TLN2: variants seen among roughly 807,000 people sequenced by gnomAD.
TLN2 encodes the protein talin 2.
TLN2 carries 118 observed loss-of-function variants against 294.7 expected under a neutral mutation model. That is an observed-to-expected ratio of 0.40 (90% CI 0.34 to 0.47). The LOEUF is 0.47. TLN2 is among the 20% of genes least tolerant of loss of function. The pLI, the probability that TLN2 is intolerant of heterozygous loss-of-function variation, is 0.84. For missense variants in TLN2, 3,083 were observed against 3,282.2 expected, an observed-to-expected ratio of 0.94 and a Z score of 1.48; for synonymous variants, 1,431 against 1,304.5, an observed-to-expected ratio of 1.10 and a Z score of -2.09.
Position 62,697,805 on chromosome 15 carries a change from C to T in TLN2, c.1410C>T (p.Ser470=), listed in dbSNP as rs771738603. The change falls in exon 15 of 59, where the codon AGC becomes AGT. Residue 470 remains serine (S), a synonymous_variant. Coordinates refer to ENST00000636159, the MANE Select transcript of TLN2 (RefSeq NM_015059.3). ...SSGPETFNVG[S]MPSPQQQVMV... is the part of the protein sequence containing the mutation. ...GGCCTGAGACCTTCAACGTTGGCAG[C>T]ATGCCCTCGCCACAGCAGCAGGTCA... is the stretch of plus-strand genomic sequence containing the variant. 1.1e-5 allele frequency: 17 copies of T among 1,612,878 alleles called. No individual in the cohort carries two copies. The South Asian group carries it at 1.4e-4, about 14-fold the overall frequency.
intron 1 of TLN2, among the ~76,000 whole-genome samples, chr15:62,573,519 CT>C: frequency 6.6e-6 from 1 of 152,180 alleles, no homozygotes; most frequent in Non-Finnish European, 1.5e-5. Flanking sequence ...TCAGCACCTG[CT>C]TTTCATAGAG....
intron 1 of TLN2, among the ~76,000 whole-genome samples, chr15:62,414,164 CTATATATATA>C (rs780803268): frequency 6.6e-5 from 6 of 90,640 alleles, no homozygotes; most frequent in Middle Eastern, 4.5e-3. Flanking sequence ...AAAAAAAAAA[CTATATATATA>C]TATATATATA....
chr15:62,462,901 G>A (rs1281932126), intron 1 of TLN2, among the ~76,000 whole-genome samples: 2 of 152,150 alleles, frequency 1.3e-5, no homozygotes, highest in Admixed American at 1.3e-4. Flanking sequence ...AATCTCTCCT[G>A]ACCGCACAGC....
At chr15:62,589,948 T>A (rs1345999827) in intron 2 of TLN2, among the ~76,000 whole-genome samples, 186 bp downstream of exon 2, 21 of 152,154 alleles carry the variant, frequency 1.4e-4, no homozygotes. Context: ...TTTTTCCTCC[T>A]GGTAGCTTGG....
Position 62,686,623 on chromosome 15 carries a change from T to A in TLN2, c.958-18T>A. On this transcript the variant is annotated intron_variant, in intron 11 of 58. Transcript: ENST00000636159. Reference sequence around the variant, plus strand: ...TATTCAGAAGAAGAGCACTGACTCTTGGTATCTCCTGTTTCAGGAGAAGAT... The same window carrying A: ...TATTCAGAAGAAGAGCACTGACTCTAGGTATCTCCTGTTTCAGGAGAAGAT... 1 of 1,605,124 alleles carries A rather than the reference T, an allele frequency of 6.2e-7. No individual in the cohort carries two copies. The highest frequency in any genetic ancestry group is 8.5e-7 in the Non-Finnish European group (1 of 1,175,308).
chr15:62,457,913 G>A (rs1484747161), intron 1 of TLN2, among the ~76,000 whole-genome samples: 4 of 152,136 alleles, frequency 2.6e-5, no homozygotes, highest in African/African-American at 9.7e-5. Flanking sequence ...GTTGCTTGTC[G>A]TGACTTATTT....
rs1232159821 is a variant in TLN2 at position 62,820,476 on chromosome 15, C to T, written c.6878-10C>T. ...CTATGAAGAATCACCTTCTTTTGGA[C>T]TGATTCTAGGAACAGAGTGGGTGGA... On this transcript the variant is annotated splice_polypyrimidine_tract_variant and intron_variant, in intron 53 of 58. Coordinates refer to ENST00000636159, the MANE Select transcript of TLN2 (RefSeq NM_015059.3). 1.2e-6 allele frequency: 2 copies of T among 1,613,510 alleles called. No homozygotes were observed. Among genetic ancestry groups the T allele is most frequent in the Admixed American group, 1.7e-5 (1 of 59,968 alleles).
At chr15:62,572,309 T>C (rs1240548858) in intron 1 of TLN2, among the ~76,000 whole-genome samples, 1 of 152,102 alleles carries the variant, frequency 6.6e-6, no homozygotes, top group Non-Finnish European at 1.5e-5. Context: ...GGCACAATCA[T>C]GGCTCACTGT....
At chr15:62,655,888 C>T in intron 7 of TLN2, 56 bp from the exon 8 acceptor site, 1 of 1,599,700 alleles carries the variant, frequency 6.3e-7, no homozygotes, top group South Asian at 1.1e-5. Context: ...GGTAAATTCC[C>T]TTTAATTAAC....
intron 19 of TLN2, among the ~76,000 whole-genome samples, chr15:62,706,640 T>C (rs540173643): frequency 3.3e-5 from 5 of 152,330 alleles, no homozygotes; most frequent in African/African-American, 7.2e-5. Context: ...ATCCAAAAGA[T>C]ACATTTTCAA....
At chr15:62,648,913 ACACTT>A (rs1278012872) in intron 4 of TLN2, among the ~76,000 whole-genome samples, 1 of 151,636 alleles carries the variant, frequency 6.6e-6, no homozygotes, top group African/African-American at 2.4e-5. Flanking sequence ...TGGCCCCATC[ACACTT>A]CACTGCAGCC....
At chr15:62,431,620 AT>A (rs2140290063) in intron 1 of TLN2, among the ~76,000 whole-genome samples, 1 of 152,272 alleles carries the variant, frequency 6.6e-6, no homozygotes, top group East Asian at 1.9e-4. Context: ...GGCTTGTTTG[AT>A]TTGGTAGTTT....
At chr15:62,755,383 A>T (rs1162193503) in intron 36 of TLN2, 149 bp from the exon 37 acceptor site, 34 of 920,786 alleles carry the variant, frequency 3.7e-5, no homozygotes, top group Non-Finnish European at 5.2e-5. Flanking sequence ...TCTTTCTTGG[A>T]GTGACTTTGA....
chr15:62,473,083 G>C (rs1043186020), intron 1 of TLN2, among the ~76,000 whole-genome samples: 1 of 152,210 alleles, frequency 6.6e-6, no homozygotes. Flanking sequence ...CCTGACACTG[G>C]CTTTTCCCAG....
chr15:62,634,818 A>T (rs542560330), intron 3 of TLN2, among the ~76,000 whole-genome samples: 1 of 152,382 alleles, frequency 6.6e-6, no homozygotes, highest in South Asian at 2.1e-4. Flanking sequence ...GCTGCTCACC[A>T]TGCACATCCA....
chr15:62,494,478 T>C (rs2038916461), intron 1 of TLN2, among the ~76,000 whole-genome samples: 1 of 152,160 alleles, frequency 6.6e-6, no homozygotes, highest in Admixed American at 6.5e-5. Context: ...TTTGTTAACC[T>C]TTTTTCCCTT....
intron 2 of TLN2, among the ~76,000 whole-genome samples, chr15:62,591,672 C>G (rs1197457764): frequency 1.2e-4 from 19 of 152,150 alleles, no homozygotes; most frequent in Non-Finnish European, 2.9e-5. Flanking sequence ...AGATAAGTAT[C>G]TGACTGGCAT....
chr15:62,829,656 C>A (rs2068581530), intron 54 of TLN2: 1 of 152,298 alleles, frequency 6.6e-6, no homozygotes, highest in Non-Finnish European at 1.5e-5. Context: ...ACAAACAATC[C>A]AATTACACTG....
At chr15:62,738,045 C>T (rs1286106900) in intron 29 of TLN2, among the ~76,000 whole-genome samples, 169 bp from the exon 30 acceptor site, 1 of 152,134 alleles carries the variant, frequency 6.6e-6, no homozygotes, top group Non-Finnish European at 1.5e-5. Context: ...GAAAACATCT[C>T]TGGGACAAGG....
Sources: allele counts gnomAD v4.1 joint callset (sites outside exome capture counted in the v4.1 genomes callset), GRCh38; gene constraint gnomAD v4.1.1; transcripts MANE v1.5; gene names NCBI Gene and HGNC (gene_info 2026-07-23, HGNC 2026-07-21).